The following SMIM31 variants were observed in gnomAD, a reference collection of about 807,000 sequenced individuals.
The protein encoded by SMIM31 is small integral membrane protein 31, also known as human epithelial cell program regulator.
chr4:164,789,404 G>A (rs1733071863), intron 2 of SMIM31, among the ~76,000 whole-genome samples: 2 of 152,146 alleles, frequency 1.3e-5, no homozygotes, highest in African/African-American at 2.4e-5. Context: ...ACTGAATTAA[G>A]GAATAACTTA....
chr4:164,788,737 C>T (rs992493688), intron 2 of SMIM31, among the ~76,000 whole-genome samples: 2 of 151,780 alleles, frequency 1.3e-5, no homozygotes, highest in South Asian at 4.2e-4. Flanking sequence ...CCGCCCGCCT[C>T]GGCCTCTCAA....
intron 1 of SMIM31, among the ~76,000 whole-genome samples, chr4:164,757,816 T>A (rs2110915186): frequency 1.0e-5 from 1 of 97,892 alleles, no homozygotes; most frequent in Non-Finnish European, 2.5e-5. Flanking sequence ...TTTTGATTAC[T>A]AAAGTTTATA....
intron 1 of SMIM31, among the ~76,000 whole-genome samples, chr4:164,770,127 T>G (rs1364114567): frequency 1.3e-5 from 2 of 152,210 alleles, no homozygotes; most frequent in Non-Finnish European, 2.9e-5. Context: ...ACCTTGTCTT[T>G]ATTCCCAGAG....
At chr4:164,782,879 C>A (rs1040609523) in intron 2 of SMIM31, among the ~76,000 whole-genome samples, 1 of 151,896 alleles carries the variant, frequency 6.6e-6, no homozygotes, top group South Asian at 2.1e-4. Context: ...GTAATTATTT[C>A]AAAAAACTGA....
chr4:164,785,908 C>G (rs1025856132), intron 2 of SMIM31, among the ~76,000 whole-genome samples: 2 of 152,228 alleles, frequency 1.3e-5, no homozygotes, highest in South Asian at 4.1e-4. Flanking sequence ...ATCCTCGGAG[C>G]TCCCTAAATC....
At chr4:164,759,233 G>T (rs1732613711) in intron 1 of SMIM31, among the ~76,000 whole-genome samples, 1 of 152,150 alleles carries the variant, frequency 6.6e-6, no homozygotes, top group African/African-American at 2.4e-5. Flanking sequence ...CTCATAAAAT[G>T]ATTAGGAATT....
At chr4:164,766,385 G>A (rs1371409632) in intron 1 of SMIM31, among the ~76,000 whole-genome samples, 1 of 152,100 alleles carries the variant, frequency 6.6e-6, no homozygotes, top group African/African-American at 2.4e-5. Context: ...TGGTCACTCA[G>A]TGAATACTTA....
chr4:164,784,534 G>A (rs1733001873), intron 2 of SMIM31, among the ~76,000 whole-genome samples: 1 of 152,186 alleles, frequency 6.6e-6, no homozygotes, highest in Non-Finnish European at 1.5e-5. Flanking sequence ...TTGTATGAAA[G>A]GAAATTCAGC....
At chr4:164,768,235 CA>C (rs58450552) in intron 1 of SMIM31, among the ~76,000 whole-genome samples, 168 of 75,792 alleles carry the variant, frequency 2.2e-3, no homozygotes, top group Middle Eastern at 6.0e-3. Flanking sequence ...GACTTTGTCA[CA>C]AAAAAAAAAA....
intron 2 of SMIM31, among the ~76,000 whole-genome samples, chr4:164,782,128 C>T (rs111726721): frequency 0.077 from 11,710 of 151,534 alleles, 1,255 homozygotes; most frequent in African/African-American, 0.24. Context: ...CCATCTCTAC[C>T]AAAAATACAG....
At chr4:164,755,635 G>T (rs1732551773) in intron 1 of SMIM31, among the ~76,000 whole-genome samples, 1 of 145,278 alleles carries the variant, frequency 6.9e-6, no homozygotes, top group Non-Finnish European at 1.5e-5. Context: ...CTGCAAATCT[G>T]AGCTGAAGTA....
intron 2 of SMIM31, among the ~76,000 whole-genome samples, chr4:164,798,571 A>G (rs1044052251): frequency 3.3e-5 from 5 of 152,136 alleles, no homozygotes; most frequent in Non-Finnish European, 7.3e-5. Context: ...GAGACTTACT[A>G]TGAGAAATTG....
chr4:164,772,560 GTTTTATTTT>G (rs1732819438), intron 2 of SMIM31, among the ~76,000 whole-genome samples: 1 of 136,440 alleles, frequency 7.3e-6, no homozygotes, highest in African/African-American at 2.7e-5. Flanking sequence ...GGACACTGAA[GTTTTATTTT>G]TTTTATTTTT....
At chr4:164,800,867 C>T (rs1348617148) in intron 2 of SMIM31, among the ~76,000 whole-genome samples, 1 of 152,056 alleles carries the variant, frequency 6.6e-6, no homozygotes, top group Non-Finnish European at 1.5e-5. Flanking sequence ...CGATACTGAA[C>T]CAAAACATTA....
At chr4:164,764,816 T>C (rs17045471) in intron 1 of SMIM31, among the ~76,000 whole-genome samples, 19,740 of 152,052 alleles carry the variant, frequency 0.13, 1,543 homozygotes, top group African/African-American at 0.21. Context: ...TATTTGAGGA[T>C]CCCTCTCATA....
At chr4:164,792,608 T>C (rs6536855) in intron 2 of SMIM31, among the ~76,000 whole-genome samples, 113,812 of 151,594 alleles carry the variant, frequency 0.75, 43,200 homozygotes, top group Non-Finnish European at 0.8. Context: ...TTTAATTTTT[T>C]GTTTAACATT....
intron 2 of SMIM31, among the ~76,000 whole-genome samples, chr4:164,780,004 G>A (rs1732926669): frequency 6.6e-6 from 1 of 152,170 alleles, no homozygotes; most frequent in African/African-American, 2.4e-5. Context: ...TCCCGGTGCT[G>A]CCTGTGTAAA....
In SMIM31 at chr4:164,801,926, T is replaced by A. The variant is rs7691368; in HGVS notation, c.*732T>A. On this transcript the variant is annotated 3_prime_UTR_variant, in exon 3 of 3. Coordinates refer to ENST00000507311, the MANE Select transcript of SMIM31 (RefSeq NM_001352885.1). ...AGTTGAAAGTTTTCTGTTATTTATA[T>A]TTTTTTTTTTTTAATTTGAGAGAGA... 98,519 of 144,818 alleles carry A rather than the reference T, an allele frequency of 0.68. 32,427 individuals carry two copies. The highest frequency in any genetic ancestry group is 0.74 in the Non-Finnish European group (48,129 of 64,750). The allele number at this position is 144,818 out of a possible 1,614,324, so 9.0% of individuals were successfully genotyped here.
At chr4:164,772,660 G>C (rs562114584) in intron 2 of SMIM31, among the ~76,000 whole-genome samples, 1 of 150,512 alleles carries the variant, frequency 6.6e-6, no homozygotes, top group South Asian at 2.1e-4. Flanking sequence ...CTCACTGCAA[G>C]CTCCGCCTCC....
Sources: gnomAD v4.1 joint callset for allele counts (sites outside exome capture counted in the v4.1 genomes callset) on GRCh38, gnomAD v4.1.1 for gene constraint, MANE v1.5 for transcripts, NCBI Gene and HGNC (gene_info 2026-07-23, HGNC 2026-07-21) for gene names.